LRRC8A: variants seen among roughly 807,000 people sequenced by gnomAD.
The protein encoded by LRRC8A is leucine rich repeat containing 8 VRAC subunit A.
A neutral mutation model predicts 52.5 loss-of-function variants in LRRC8A; 24 were observed. The observed-to-expected ratio is 0.46, with a 90% confidence interval of 0.33 to 0.64. The LOEUF (loss-of-function observed/expected upper bound fraction) is 0.64, where lower values mean the gene tolerates loss of function less well. Ranked by LOEUF, LRRC8A falls within the 30% of genes least tolerant of loss-of-function variation. The pLI, the probability that LRRC8A is intolerant of heterozygous loss-of-function variation, is 0.02. For synonymous variants in LRRC8A, 492 were observed against 494.2 expected, an observed-to-expected ratio of 1.00 and a Z score of 0.06; for missense variants, 677 against 1,094.7, an observed-to-expected ratio of 0.62 and a Z score of 5.38.
In LRRC8A at chr9:128,917,409, T is replaced by A. The variant is rs1214441293; in HGVS notation, c.*1038T>A. The A allele has an allele frequency of 6.6e-6, 1 of 152,606 alleles. No homozygotes were observed. The highest frequency in any genetic ancestry group is 1.5e-5 in the Non-Finnish European group (1 of 68,034). The allele number at this position is 152,606 out of a possible 1,614,324, so 9.5% of individuals were successfully genotyped here. A position where few individuals can be genotyped will look rare whatever the true frequency, so the allele number is the denominator to read the frequency against. On this transcript the variant is annotated 3_prime_UTR_variant, in exon 4 of 4. Transcript: ENST00000372600. The stretch of plus-strand genomic sequence containing the variant: ...TCGGCCAGAGGGAATGTTCTGGAGC[T>A]GCCAAGGAGGGAGGAGACTCGGGTT...
Position 128,906,223 on chromosome 9 carries a change from G to T in LRRC8A, c.-8-934G>T, listed in dbSNP as rs143663474. Among the ~76,000 whole-genome samples, 574 of 151,972 alleles carry T rather than the reference G, an allele frequency of 3.8e-3. 9 individuals are homozygous for T. The East Asian group carries it at 0.042, about 11-fold the overall frequency. ...AGCTCACTGCAGCTTCAACCTCCTG[G>T]ACTCAAGCGATCCTCCCACTTCATC... is the stretch of plus-strand genomic sequence containing the variant. On this transcript the variant is annotated intron_variant, in intron 2 of 3. Transcript: ENST00000372600.
chr9:128,888,106 T>C (rs1564518207), intron 2 of LRRC8A, among the ~76,000 whole-genome samples: 1 of 152,052 alleles, frequency 6.6e-6, no homozygotes, highest in Non-Finnish European at 1.5e-5. Flanking sequence ...TGGTGTGTGA[T>C]TGTGTCGACT....
In LRRC8A at chr9:128,902,981, C is replaced by A. The variant is rs371042913; in HGVS notation, c.-8-4176C>A. 1.7e-4 allele frequency among the ~76,000 whole-genome samples: 26 copies of A among 152,302 alleles called. No homozygotes were observed. The highest frequency in any genetic ancestry group is 6.3e-4 in the African/African-American group (26 of 41,562). On this transcript the variant is annotated intron_variant, in intron 2 of 3. Transcript: ENST00000372600. The surrounding 1 kb of genome is among the most constrained non-coding windows in gnomAD (Gnocchi z 4.1). ...ACTCCCAGTCCTGTTTCTCTTGGCA[C>A]CGCCTGGGTGAGACCTTGGGCAGGC... is the stretch of plus-strand genomic sequence containing the variant.
chr9:128,890,507 C>T (rs969543487), intron 2 of LRRC8A, among the ~76,000 whole-genome samples: 13 of 152,198 alleles, frequency 8.5e-5, no homozygotes, highest in South Asian at 2.1e-4. Flanking sequence ...GCATGACAAA[C>T]GCACTGACCA....
chr9:128,888,671 T>C (rs917867300), intron 2 of LRRC8A, among the ~76,000 whole-genome samples: 1 of 152,060 alleles, frequency 6.6e-6, no homozygotes, highest in Non-Finnish European at 1.5e-5. Context: ...CGTGGCAGCC[T>C]CGTTTTGCGG....
rs973517586 is a variant in LRRC8A at position 128,899,167 on chromosome 9, G to C, written c.-8-7990G>C. 6.6e-6 allele frequency among the ~76,000 whole-genome samples: 1 copy of C among 152,200 alleles called. No individual in the cohort carries two copies. Among genetic ancestry groups the C allele is most frequent in the Non-Finnish European group, 1.5e-5 (1 of 68,042 alleles). On this transcript the variant is annotated intron_variant, in intron 2 of 3. Coordinates refer to ENST00000372600, the MANE Select transcript of LRRC8A (RefSeq NM_019594.4). The surrounding 1 kb of genome is among the most constrained non-coding windows in gnomAD (Gnocchi z 4.0). ...ACATGGACACATGTTTAACAGGTTT[G>C]CTGCTCCTTTCTATACAGGGAAACT...
intron 1 of LRRC8A, among the ~76,000 whole-genome samples, chr9:128,883,934 A>G (rs1178437658): frequency 6.6e-6 from 1 of 151,972 alleles, no homozygotes; most frequent in Non-Finnish European, 1.5e-5. Context: ...AGATCGCGCC[A>G]TTGCACTCCA....
chr9:128,903,882 G>C (rs1840130057), intron 2 of LRRC8A, among the ~76,000 whole-genome samples: 1 of 152,114 alleles, frequency 6.6e-6, no homozygotes, highest in African/African-American at 2.4e-5. Context: ...ACAAAAATTA[G>C]CTGGATGTGG....
intron 2 of LRRC8A, among the ~76,000 whole-genome samples, chr9:128,889,147 G>A (rs777753564): frequency 1.3e-5 from 2 of 152,122 alleles, no homozygotes; most frequent in Non-Finnish European, 2.9e-5. Context: ...GGCAGCTGGG[G>A]CTCTTTCTAC....
chr9:128,890,510 A>G lies in LRRC8A; in HGVS notation c.-9+4389A>G, dbSNP rs1159562323. On this transcript the variant is annotated intron_variant, in intron 2 of 3. Transcript: ENST00000372600. Reference sequence around the variant, plus strand: ...CTCTGACGGGCAGCATGACAAACGCACTGACCAGCAGCGGGGGCGGTGGGC... The same window carrying G: ...CTCTGACGGGCAGCATGACAAACGCGCTGACCAGCAGCGGGGGCGGTGGGC... Among the ~76,000 whole-genome samples, 2 of 152,152 alleles carry G rather than the reference A, an allele frequency of 1.3e-5. 1 individual carries two copies. Among genetic ancestry groups the G allele is most frequent in the Admixed American group, 1.3e-4 (2 of 15,276 alleles).
rs371749144 is a variant in LRRC8A, at chr9:128,907,855, G to A, written c.691G>A (p.Val231Met). The change falls in exon 3 of 4, where the codon GTG (valine) becomes ATG (methionine). Residue 231 changes from valine to methionine, a missense_variant. Physicochemically the swap from Val to Met is conservative, Grantham distance 21. Coordinates refer to ENST00000372600, the MANE Select transcript of LRRC8A (RefSeq NM_019594.4). The surrounding 1 kb of genome is among the most constrained non-coding windows in gnomAD (Gnocchi z 9.3). The stretch of plus-strand genomic sequence containing the variant: ...TATCGTGGACCGCTCAGAGACGGGC[G>A]TGCTGGACAAGAAGGAGGGGGAGCA... ...QGIVDRSETG[V>M]LDKKEGEQAK... 1.3e-5 allele frequency: 21 copies of A among 1,614,136 alleles called. No individual in the cohort carries two copies. The highest frequency in any genetic ancestry group is 1.8e-5 in the Non-Finnish European group (21 of 1,180,028).
chr9:128,907,674 G>A lies in LRRC8A; in HGVS notation c.510G>A (p.Thr170=), dbSNP rs374326846. 59 of 1,613,908 alleles carry A rather than the reference G, an allele frequency of 3.7e-5. No individual in the cohort carries two copies. The highest frequency in any genetic ancestry group is 1.6e-4 in the Middle Eastern group (1 of 6,084). Residue 170 remains threonine (T), a synonymous_variant, in exon 3 of 4, where the codon ACG becomes ACA. Transcript: ENST00000372600. This position sits in a 1 kb window ranked among gnomAD's most constrained non-coding sequence, Gnocchi z 9.3. ...LLKCFDSPWT[T]RALSETVVEE... ...AGTGCTTCGACTCGCCCTGGACCAC[G>A]AGGGCCCTGTCGGAGACAGTGGTGG... is the stretch of plus-strand genomic sequence containing the variant.
rs909605392 is a variant in LRRC8A at position 128,917,661 on chromosome 9, G to A, written c.*1290G>A. 4.6e-5 allele frequency: 7 copies of A among 152,894 alleles called. No homozygotes were observed. The East Asian group carries it at 5.8e-4, about 13-fold the overall frequency. The allele number at this position is 152,894 out of a possible 1,614,324, so 9.5% of individuals were successfully genotyped here. Reference sequence around the variant, plus strand: ...AAGAGCAGACACTTAGAGGCTGGTCGGGAATGGGGAGGTCGCCCCTGGGAG... The same window carrying A: ...AAGAGCAGACACTTAGAGGCTGGTCAGGAATGGGGAGGTCGCCCCTGGGAG... On this transcript the variant is annotated 3_prime_UTR_variant, in exon 4 of 4. Transcript: ENST00000372600.
rs930596499 is a variant in LRRC8A, at chr9:128,911,633, C to G, written c.2157+2312C>G. Among the ~76,000 whole-genome samples, 1 of 152,160 alleles carries G rather than the reference C, an allele frequency of 6.6e-6. No individual in the cohort carries two copies. The highest frequency in any genetic ancestry group is 2.4e-5 in the African/African-American group (1 of 41,422). ...AGGGTTCAAGCCTCCAGCCTGGCTC[C>G]CCATCCTGTCCCCCACCCCCAGCTC... On this transcript the variant is annotated intron_variant, in intron 3 of 3. Coordinates refer to ENST00000372600, the MANE Select transcript of LRRC8A (RefSeq NM_019594.4). This position sits in a 1 kb window ranked among gnomAD's most constrained non-coding sequence, Gnocchi z 4.9.
At chr9:128,900,275 GGA>G (rs1416921678) in intron 2 of LRRC8A, among the ~76,000 whole-genome samples, 1 of 152,224 alleles carries the variant, frequency 6.6e-6, no homozygotes, top group African/African-American at 2.4e-5. Flanking sequence ...GTGCTCTCTG[GGA>G]GAGACTCTGA....
At chr9:128,897,465 C>T (rs1476816879) in intron 2 of LRRC8A, among the ~76,000 whole-genome samples, 1 of 152,028 alleles carries the variant, frequency 6.6e-6, no homozygotes, top group African/African-American at 2.4e-5. Flanking sequence ...ACCTCAGCCT[C>T]CTCAAGTGCT....
intron 2 of LRRC8A, among the ~76,000 whole-genome samples, chr9:128,900,495 G>C (rs1839983243): frequency 6.6e-6 from 1 of 151,886 alleles, no homozygotes; most frequent in African/African-American, 2.4e-5. Flanking sequence ...GATCGCTTGA[G>C]GTCAGGAGTT....
chr9:128,882,651 G>T, intron 1 of LRRC8A: 2 of 399,100 alleles, frequency 5.0e-6, no homozygotes, highest in Non-Finnish European at 8.8e-6. Context: ...CTTTTTCAAA[G>T]ATTTCCTTAG....
At position 128,903,656 on chromosome 9, in the gene LRRC8A, G is replaced by T. The variant is rs567882839; in HGVS notation, c.-8-3501G>T. On this transcript the variant is annotated intron_variant, in intron 2 of 3. Coordinates refer to ENST00000372600, the MANE Select transcript of LRRC8A (RefSeq NM_019594.4). ...TCTCGATCTCCTGACCTCGTGATCC[G>T]CCCGCCTTGGCCTCCCAAAGTGCTG... Among the ~76,000 whole-genome samples the T allele has an allele frequency of 2.2e-4, 34 of 151,730 alleles. No individual in the cohort carries two copies. In the South Asian group the frequency reaches 6.7e-3, roughly 30 times the overall value.
Sources: gnomAD v4.1 joint callset for allele counts (sites outside exome capture counted in the v4.1 genomes callset) on GRCh38, gnomAD v4.1.1 for gene constraint, Gnocchi (gnomAD v3.1) non-coding constraint, MANE v1.5 for transcripts, NCBI Gene and HGNC (gene_info 2026-07-23, HGNC 2026-07-21) for gene names.